The following TSPEAR variants were observed in gnomAD, a reference collection of about 807,000 sequenced individuals.
The protein encoded by TSPEAR is thrombospondin type laminin G domain and EAR repeats, also known as thrombospondin-type laminin G domain and EAR repeat-containing protein.
Under a neutral mutation model 71.6 loss-of-function variants are expected in TSPEAR, and 69 were observed. The ratio of observed to expected loss-of-function variants is 0.96; its 90% confidence interval spans 0.79 to 1.18. The LOEUF (loss-of-function observed/expected upper bound fraction) is 1.18. Among genes scored for constraint, TSPEAR ranks in the 50% most tolerant of loss-of-function variants. The pLI, the probability that TSPEAR is intolerant of heterozygous loss-of-function variation, is 0.00. For synonymous variants in TSPEAR, 402 were observed against 387.2 expected, an observed-to-expected ratio of 1.04 and a Z score of -0.45; for missense variants, 971 against 894.9, an observed-to-expected ratio of 1.09 and a Z score of -1.09.
intron 11 of TSPEAR, among the ~76,000 whole-genome samples, chr21:44,503,684 G>A (rs1218466798): frequency 7.6e-6 from 1 of 132,294 alleles, no homozygotes; most frequent in Non-Finnish European, 1.6e-5. Context: ...GGGGAAGCAA[G>A]GCTCTGGGAG....
At chr21:44,592,880 G>T (rs1980089044) in intron 1 of TSPEAR, among the ~76,000 whole-genome samples, 1 of 152,088 alleles carries the variant, frequency 6.6e-6, no homozygotes, top group Non-Finnish European at 1.5e-5. Context: ...ATCCAGCGTG[G>T]TCCTTCCCCC....
At chr21:44,614,326 A>T (rs1194734633) in intron 1 of TSPEAR, among the ~76,000 whole-genome samples, 2 of 152,248 alleles carry the variant, frequency 1.3e-5, no homozygotes, top group African/African-American at 4.8e-5. Flanking sequence ...CATCACCAGC[A>T]TGGGGACAGC....
At position 44,592,533 on chromosome 21, in the gene TSPEAR, G is replaced by A. The variant is rs368672751; in HGVS notation, c.83-24528C>T. On this transcript the variant is annotated intron_variant, in intron 1 of 11. Transcript: ENST00000323084. ...TGAGGGAGTGAGCCTGTGAGGTGCT[G>A]AGGCTCTCGGGCTTTTATTCCACCT... 6.4e-6 allele frequency: 10 copies of A among 1,563,066 alleles called. No individual in the cohort carries two copies. In the African/African-American group the frequency reaches 1.2e-4, roughly 19 times the overall value.
chr21:44,573,438 G>A (rs587625769), intron 1 of TSPEAR, among the ~76,000 whole-genome samples: 11 of 152,064 alleles, frequency 7.2e-5, no homozygotes, highest in Admixed American at 4.6e-4. Context: ...CTCCACGTGC[G>A]CCTGGGGAGC....
chr21:44,579,637 G>A (rs374042277), intron 1 of TSPEAR: 5 of 1,195,554 alleles, frequency 4.2e-6, no homozygotes, highest in Non-Finnish European at 4.6e-6. Context: ...GAGTATGGAG[G>A]GGGGGGTCAC....
At chr21:44,540,466 G>A (rs1445764839) in intron 2 of TSPEAR, among the ~76,000 whole-genome samples, 2 of 152,142 alleles carry the variant, frequency 1.3e-5, no homozygotes, top group East Asian at 1.9e-4. Flanking sequence ...GTCCCAGCAC[G>A]CCACCAGTGC....
At chr21:44,602,156 A>C in intron 1 of TSPEAR, 6 of 220,162 alleles carry the variant, frequency 2.7e-5, no homozygotes, top group East Asian at 1.2e-4. Context: ...CTTCTAATAA[A>C]CTCCTTTCCT....
intron 1 of TSPEAR, among the ~76,000 whole-genome samples, chr21:44,694,518 T>A (rs1688507817): frequency 6.6e-6 from 1 of 152,224 alleles, no homozygotes; most frequent in African/African-American, 2.4e-5. Flanking sequence ...ACTGTGAATG[T>A]ACTTAACCCA....
chr21:44,681,833 T>C (rs1555948010), intron 1 of TSPEAR: 1 of 1,607,386 alleles, frequency 6.2e-7, no homozygotes, highest in Admixed American at 1.7e-5. Context: ...AGATTCATGC[T>C]CAGCAGCAGG....
intron 2 of TSPEAR, chr21:44,539,955 G>T: frequency 1.2e-6 from 2 of 1,612,930 alleles, no homozygotes; most frequent in Middle Eastern, 1.8e-4. Flanking sequence ...GATTGGCAGG[G>T]GCTGGGCTCA....
chr21:44,586,552 A>G (rs1199068743), intron 1 of TSPEAR, among the ~76,000 whole-genome samples: 1 of 152,126 alleles, frequency 6.6e-6, no homozygotes, highest in East Asian at 1.9e-4. Flanking sequence ...AGTGTTTCTC[A>G]GCCATCACCA....
intron 1 of TSPEAR, among the ~76,000 whole-genome samples, chr21:44,689,885 C>T (rs1987054196): frequency 6.6e-6 from 1 of 151,360 alleles, no homozygotes; most frequent in Non-Finnish European, 1.5e-5. Context: ...AAGCATCCAG[C>T]ACAGCAGAAA....
chr21:44,556,690 T>TA (rs1168980778), intron 2 of TSPEAR, among the ~76,000 whole-genome samples: 80 of 152,232 alleles, frequency 5.3e-4, no homozygotes, highest in African/African-American at 1.8e-3. Flanking sequence ...AGACTCCGCC[T>TA]AAAAAATAAT....
At chr21:44,681,756 C>T (rs1986601510) in intron 1 of TSPEAR, 1 of 1,510,446 alleles carries the variant, frequency 6.6e-7, no homozygotes, top group Admixed American at 2.0e-5. Context: ...GTGCAGAAGA[C>T]CAACTGAGGA....
chr21:44,684,470 G>A (rs1439560164), intron 1 of TSPEAR, among the ~76,000 whole-genome samples: 1 of 152,214 alleles, frequency 6.6e-6, no homozygotes, highest in Admixed American at 6.5e-5. Context: ...GGAGTTCGAA[G>A]CTGCAGTGAG....
chr21:44,521,928 G>T lies in TSPEAR; in HGVS notation c.1521C>A (p.Leu507=). Residue 507 remains leucine, a synonymous_variant, in exon 9 of 12, where the codon CTC becomes CTA. Coordinates refer to ENST00000323084, the MANE Select transcript of TSPEAR (RefSeq NM_144991.3). ...NGTSTKVHSH[L]YIRLLGSFQL... ...GGAAGGAGCCCAGGAGTCGGATGTA[G>T]AGGTGCGAGTGCACCTTGGTGGAGG... The T allele has an allele frequency of 6.2e-7, 1 of 1,614,098 alleles. No homozygotes were observed. Among genetic ancestry groups the T allele is most frequent in the Non-Finnish European group, 8.5e-7 (1 of 1,180,002 alleles).
Position 44,574,851 on chromosome 21 carries a change from T to C in TSPEAR, c.83-6846A>G, listed in dbSNP as rs587614317. The C allele has an allele frequency of 7.4e-6, 12 of 1,613,664 alleles. No homozygotes were observed. In the South Asian group the frequency reaches 1.3e-4, roughly 18 times the overall value. ...ACCCTCCTCCTCCGTGTCCCTCCTC[T>C]GCCGCCCCGTGTGCAGGCCCGCCTG... On this transcript the variant is annotated intron_variant, in intron 1 of 11. Coordinates refer to ENST00000323084, the MANE Select transcript of TSPEAR (RefSeq NM_144991.3).
At chr21:44,708,725 C>G (rs573778765) in intron 1 of TSPEAR, among the ~76,000 whole-genome samples, 57 of 152,080 alleles carry the variant, frequency 3.7e-4, no homozygotes, top group Non-Finnish European at 7.3e-5. Flanking sequence ...GTCCCCTCCC[C>G]GAATGCTGCT....
In TSPEAR at chr21:44,504,717, C is replaced by A. The variant is rs2052153842; in HGVS notation, c.1856+63G>T. On this transcript the variant is annotated intron_variant, in intron 11 of 11. Transcript: ENST00000323084. ...AGCAAGTCTCTTGGAGGAGGCCGGC[C>A]TCGGTGAGCCCACAGTGGGGAAGCA... 1.9e-5 allele frequency: 20 copies of A among 1,026,520 alleles called. No individual in the cohort carries two copies. In the South Asian group the frequency reaches 2.6e-4, roughly 13 times the overall value. The allele number at this position is 1,026,520 out of a possible 1,614,324, so 63.6% of individuals were successfully genotyped here.
Sources: gnomAD v4.1 joint callset for allele counts (sites outside exome capture counted in the v4.1 genomes callset) on GRCh38, gnomAD v4.1.1 for gene constraint, MANE v1.5 for transcripts, NCBI Gene and HGNC (gene_info 2026-07-23, HGNC 2026-07-21) for gene names.